Variants in GFRA1 observed in about 807,000 individuals in gnomAD.
GFRA1 encodes GDNF family receptor alpha 1.
Under a neutral mutation model 51.6 loss-of-function variants are expected in GFRA1, and 16 were observed. The ratio of observed to expected loss-of-function variants is 0.31; its 90% confidence interval spans 0.21 to 0.47. GFRA1 has a LOEUF of 0.47. Ranked by LOEUF, GFRA1 falls within the 20% of genes least tolerant of loss-of-function variation. GFRA1 has a pLI of 1.00. For missense variants in GFRA1, 530 were observed against 594.3 expected, an observed-to-expected ratio of 0.89 and a Z score of 1.13; for synonymous variants, 270 against 241.3, an observed-to-expected ratio of 1.12 and a Z score of -1.10.
chr10:116,191,718 T>G (rs1159239935), intron 5 of GFRA1, among the ~76,000 whole-genome samples: 1 of 152,206 alleles, frequency 6.6e-6, no homozygotes, highest in Non-Finnish European at 1.5e-5. Flanking sequence ...AAGTCTGAGT[T>G]AGTTTTCAGT....
At chr10:116,128,754 G>A (rs1467927998) in intron 5 of GFRA1, among the ~76,000 whole-genome samples, 1 of 146,220 alleles carries the variant, frequency 6.8e-6, no homozygotes. Flanking sequence ...AAAAAAAATT[G>A]GCCTAGGTTA....
At chr10:116,258,478 A>G (rs1393850582) in intron 4 of GFRA1, among the ~76,000 whole-genome samples, 1 of 148,634 alleles carries the variant, frequency 6.7e-6, no homozygotes, top group Non-Finnish European at 1.5e-5. Context: ...TATATACGTA[A>G]CATATATAAT....
intron 4 of GFRA1, chr10:116,255,505 A>AC: frequency 2.0e-5 from 19 of 952,602 alleles, no homozygotes; most frequent in East Asian, 6.7e-5. Context: ...GAAAAAAAAA[A>AC]ACAAAAAAAA....
intron 9 of GFRA1, among the ~76,000 whole-genome samples, chr10:116,068,190 C>T (rs1214544342): frequency 6.6e-6 from 1 of 152,210 alleles, no homozygotes; most frequent in Non-Finnish European, 1.5e-5. Flanking sequence ...GCACTCAGCA[C>T]TCCAGAGGCT....
chr10:116,186,661 G>A (rs111955264), intron 5 of GFRA1, among the ~76,000 whole-genome samples: 5 of 151,880 alleles, frequency 3.3e-5, no homozygotes, highest in African/African-American at 7.2e-5. Flanking sequence ...GGGGGGCGGC[G>A]GGAGGTGCTG....
chr10:116,194,684 C>T (rs1273336442), intron 5 of GFRA1, among the ~76,000 whole-genome samples: 1 of 152,058 alleles, frequency 6.6e-6, no homozygotes, highest in Non-Finnish European at 1.5e-5. Context: ...TACTGATTCA[C>T]ACATAGCAGG....
intron 5 of GFRA1, among the ~76,000 whole-genome samples, chr10:116,160,081 G>A (rs546970997): frequency 6.6e-5 from 10 of 152,294 alleles, no homozygotes; most frequent in South Asian, 2.1e-4. Context: ...AGCTTCATTC[G>A]AATCCATTGT....
At chr10:116,082,358 G>GC (rs1955886301) in intron 9 of GFRA1, among the ~76,000 whole-genome samples, 2 of 152,008 alleles carry the variant, frequency 1.3e-5, no homozygotes, top group Non-Finnish European at 2.9e-5. Flanking sequence ...TTCCTTCTTG[G>GC]CCTGGTGTCC....
intron 5 of GFRA1, among the ~76,000 whole-genome samples, chr10:116,127,247 G>C (rs1044507084): frequency 2.6e-5 from 4 of 152,192 alleles, no homozygotes; most frequent in Non-Finnish European, 5.9e-5. Context: ...TAAGAGGGTA[G>C]ATTGCATGCA....
intron 5 of GFRA1, among the ~76,000 whole-genome samples, chr10:116,168,158 T>C (rs1960675248): frequency 6.6e-6 from 1 of 152,016 alleles, no homozygotes; most frequent in Non-Finnish European, 1.5e-5. Context: ...TTTTTTTTTT[T>C]TTTAGGTCAG....
intron 5 of GFRA1, among the ~76,000 whole-genome samples, chr10:116,201,010 C>T (rs1373922082): frequency 6.6e-6 from 1 of 152,206 alleles, no homozygotes; most frequent in Non-Finnish European, 1.5e-5. Flanking sequence ...GGTATGCTCA[C>T]AGTGCATGCT....
intron 9 of GFRA1, among the ~76,000 whole-genome samples, chr10:116,084,371 T>G (rs1356978840): frequency 2.6e-5 from 4 of 152,228 alleles, no homozygotes; most frequent in Admixed American, 2.0e-4. Context: ...GTCCTCCATG[T>G]CTCACCCACA....
At chr10:116,152,116 C>T (rs1000442184) in intron 5 of GFRA1, among the ~76,000 whole-genome samples, 2 of 152,160 alleles carry the variant, frequency 1.3e-5, no homozygotes, top group Non-Finnish European at 2.9e-5. Flanking sequence ...AGATTAGACA[C>T]TGATTCATCT....
At chr10:116,230,294 C>A (rs1235222182) in intron 4 of GFRA1, among the ~76,000 whole-genome samples, 3 of 152,180 alleles carry the variant, frequency 2.0e-5, no homozygotes, top group Non-Finnish European at 4.4e-5. Flanking sequence ...CTTATGCTAT[C>A]CCTGAAAGAT....
chr10:116,187,436 C>A (rs938063545), intron 5 of GFRA1, among the ~76,000 whole-genome samples: 7 of 152,142 alleles, frequency 4.6e-5, no homozygotes, highest in African/African-American at 1.7e-4. Flanking sequence ...AACTAACAGT[C>A]TAAGACATCA....
chr10:116,084,888 T>C (rs1218184680), intron 9 of GFRA1, among the ~76,000 whole-genome samples: 1 of 151,908 alleles, frequency 6.6e-6, no homozygotes, highest in Non-Finnish European at 1.5e-5. Flanking sequence ...AAGTAATTGA[T>C]AGGATTATTA....
chr10:116,125,898 A>C (rs1045726007), intron 5 of GFRA1, among the ~76,000 whole-genome samples: 17 of 152,254 alleles, frequency 1.1e-4, no homozygotes, highest in African/African-American at 4.1e-4. Context: ...AATTAGGATA[A>C]AAGAAAAAAA....
intron 4 of GFRA1, among the ~76,000 whole-genome samples, chr10:116,227,317 G>A (rs181771678): frequency 6.4e-4 from 97 of 152,278 alleles, no homozygotes; most frequent in Admixed American, 3.8e-3. Flanking sequence ...CAGCCAATGC[G>A]CAGGGAACTA....
chr10:116,219,339 A>G (rs1486174443), intron 4 of GFRA1, among the ~76,000 whole-genome samples: 1 of 152,236 alleles, frequency 6.6e-6, no homozygotes, highest in East Asian at 1.9e-4. Flanking sequence ...AAAGTAGAAC[A>G]GTATGGCTTC....
Sources: gnomAD v4.1 joint callset for allele counts (sites outside exome capture counted in the v4.1 genomes callset) on GRCh38, gnomAD v4.1.1 for gene constraint, MANE v1.5 for transcripts, NCBI Gene and HGNC (gene_info 2026-07-23, HGNC 2026-07-21) for gene names.